Variants in TBC1D31 observed in about 807,000 individuals in gnomAD.
TBC1D31 encodes TBC1 domain family member 31, also known as WD repeat domain 67.
Under a neutral mutation model 132.9 loss-of-function variants are expected in TBC1D31, and 99 were observed. That is an observed-to-expected ratio of 0.74 (90% CI 0.63 to 0.88). The LOEUF is 0.88. Among genes scored for constraint, TBC1D31 ranks in the 40% least tolerant of loss-of-function variants. The pLI, the probability that TBC1D31 is intolerant of heterozygous loss-of-function variation, is 0.00. For missense variants in TBC1D31, 1,134 were observed against 1,256.6 expected, an observed-to-expected ratio of 0.90 and a Z score of 1.48; for synonymous variants, 385 against 419.4, an observed-to-expected ratio of 0.92 and a Z score of 1.00.
intron 14 of TBC1D31, 96 bp downstream of exon 14, chr8:123,128,609 G>A (rs1400015249): frequency 1.0e-6 from 1 of 979,226 alleles, no homozygotes; most frequent in African/African-American, 1.6e-5. Flanking sequence ...GAGCGCGGTG[G>A]CTCACGCCTA....
At chr8:123,163,930 A>G in the TBC1D31 span, among the ~76,000 whole-genome samples, 2 of 152,240 alleles carry the variant, frequency 1.3e-5, no homozygotes, top group Non-Finnish European at 2.9e-5. Context: ...CACCCCAGAC[A>G]GAAACTCTGT....
intron 10 of TBC1D31, among the ~76,000 whole-genome samples, chr8:123,110,181 A>G (rs755309249): frequency 4.0e-4 from 61 of 152,216 alleles, no homozygotes; most frequent in Non-Finnish European, 7.3e-4. Context: ...CCACTTAATG[A>G]TTGTGATGTA....
intron 17 of TBC1D31, among the ~76,000 whole-genome samples, chr8:123,137,288 T>C (rs1004546594): frequency 2.0e-5 from 3 of 152,170 alleles, no homozygotes; most frequent in Non-Finnish European, 4.4e-5. Context: ...CTTGCAAAGA[T>C]TGCTATAAAG....
At chr8:123,130,391 T>C (rs1820503067) in intron 16 of TBC1D31, 58 bp downstream of exon 16, 2 of 1,451,208 alleles carry the variant, frequency 1.4e-6, no homozygotes, top group Non-Finnish European at 1.9e-6. Context: ...CACTTAAATG[T>C]AATGAACACC....
the TBC1D31 span, among the ~76,000 whole-genome samples, chr8:123,160,220 A>G: frequency 2.6e-5 from 4 of 152,156 alleles, no homozygotes; most frequent in Non-Finnish European, 4.4e-5. Context: ...TCTGAGGAGT[A>G]CTAGTCGGGT....
chr8:123,093,804 A>G (rs1333526484), intron 5 of TBC1D31, 62 bp downstream of exon 5: 2 of 1,189,364 alleles, frequency 1.7e-6, no homozygotes, highest in Non-Finnish European at 2.3e-6. Context: ...AAAAAATTAC[A>G]AATTTTCATT....
chr8:123,119,989 A>T, intron 10 of TBC1D31, 66 bp from the exon 11 acceptor site: 1 of 1,367,934 alleles, frequency 7.3e-7, no homozygotes, highest in South Asian at 1.6e-5. Flanking sequence ...TTTTGTATCA[A>T]ATTTTTATCA....
intron 16 of TBC1D31, among the ~76,000 whole-genome samples, chr8:123,130,683 G>A (rs968063947): frequency 2.7e-5 from 4 of 149,180 alleles, no homozygotes; most frequent in Admixed American, 6.7e-5. Flanking sequence ...GTGCAGTGGC[G>A]TGACCTCAGC....
In TBC1D31 at chr8:123,139,677, G is replaced by A. The variant is rs184654247; in HGVS notation, c.2500-1084G>A. Among the ~76,000 whole-genome samples, 23 of 151,116 alleles carry A rather than the reference G, an allele frequency of 1.5e-4. No homozygotes were observed. The East Asian group carries it at 3.3e-3, about 22-fold the overall frequency. On this transcript the variant is annotated intron_variant, in intron 17 of 21. Transcript: ENST00000287380. ...TTTCTGTGGTCTGAGAACACAGCCC[G>A]TAGCATATACACAGCCTTACACATG... is the stretch of plus-strand genomic sequence containing the variant.
At chr8:123,090,215 A>G (rs11787110) in intron 4 of TBC1D31, among the ~76,000 whole-genome samples, 5,606 of 152,334 alleles carry the variant, frequency 0.037, 178 homozygotes, top group Admixed American at 0.091. Flanking sequence ...TTTTACAAGA[A>G]GGGAAACCGA....
chr8:123,089,406 T>C (rs188625501), intron 4 of TBC1D31, among the ~76,000 whole-genome samples: 30 of 152,340 alleles, frequency 2.0e-4, no homozygotes, highest in African/African-American at 7.0e-4. Flanking sequence ...TAGGATTATC[T>C]CAGTGCAGTT....
Position 123,126,693 on chromosome 8 carries a change from G to T in TBC1D31, c.1884+6G>T. ...ATCTTAAAGATGACTTTGAGGTAACGGTCCTTGTTCTTAAGAGAAGGTTCT... is the reference window on the plus strand; with the variant it reads ...ATCTTAAAGATGACTTTGAGGTAACTGTCCTTGTTCTTAAGAGAAGGTTCT... On this transcript the variant is annotated splice_donor_region_variant and intron_variant, in intron 13 of 21. Transcript: ENST00000287380. 3.7e-6 allele frequency: 6 copies of T among 1,600,616 alleles called. No homozygotes were observed. The highest frequency in any genetic ancestry group is 3.4e-5 in the South Asian group (3 of 87,892).
intron 15 of TBC1D31, 73 bp from the exon 16 acceptor site, chr8:123,130,125 G>C (rs1380928306): frequency 4.8e-6 from 7 of 1,454,868 alleles, no homozygotes; most frequent in Non-Finnish European, 6.6e-6. Context: ...CAGCATGGCA[G>C]ACCTGTTATG....
At chr8:123,134,475 C>T (rs781240860) in intron 17 of TBC1D31, among the ~76,000 whole-genome samples, 7 of 151,748 alleles carry the variant, frequency 4.6e-5, no homozygotes, top group South Asian at 2.1e-4. Context: ...TGCAGTGAAC[C>T]ATAATCACAT....
intron 12 of TBC1D31, 73 bp from the exon 13 acceptor site, chr8:123,126,435 A>G: frequency 7.3e-7 from 1 of 1,375,314 alleles, no homozygotes; most frequent in South Asian, 1.4e-5. Flanking sequence ...AATCGAATGT[A>G]AGGGAATATT....
At position 123,126,562 on chromosome 8, in the gene TBC1D31, G is replaced by A. The variant is rs764356094; in HGVS notation, c.1759G>A (p.Glu587Lys). The A allele has an allele frequency of 1.2e-6, 2 of 1,613,958 alleles. No individual in the cohort carries two copies. Among genetic ancestry groups the A allele is most frequent in the East Asian group, 2.2e-5 (1 of 44,880 alleles). Residue 587 changes from glutamate to lysine, a missense_variant, in exon 13 of 22, where the codon GAG becomes AAG. Coordinates refer to ENST00000287380, the MANE Select transcript of TBC1D31 (RefSeq NM_145647.4). ...GTTCTCAGAAGTGCTGACAAGAGAG[G>A]AGTGGCTGAAATTGTTCGATAATAT... ...TVFSEVLTRE[E>K]WLKLFDNIFS...
chr8:123,152,011 T>G lies in TBC1D31; in HGVS notation c.*72T>G. The G allele has an allele frequency of 7.7e-7, 1 of 1,302,634 alleles. No individual in the cohort carries two copies. Among genetic ancestry groups the G allele is most frequent in the Non-Finnish European group, 1.0e-6 (1 of 1,002,978 alleles). The allele number at this position is 1,302,634 out of a possible 1,614,324, so 80.7% of individuals were successfully genotyped here. A position where few individuals can be genotyped will look rare whatever the true frequency, so the allele number is the denominator to read the frequency against. On this transcript the variant is annotated 3_prime_UTR_variant, in exon 22 of 22. Transcript: ENST00000287380. ...TCAGTGACATTGATTTTTAGATTAT[T>G]TATTTAAAATTCCTATAAAGATCAG...
chr8:123,104,260 T>C (rs1358688231), intron 7 of TBC1D31: 4 of 152,178 alleles, frequency 2.6e-5, no homozygotes, highest in Non-Finnish European at 5.9e-5. Flanking sequence ...TTTTTTTCTG[T>C]GTTTTGAAGC....
At position 123,128,432 on chromosome 8, in the gene TBC1D31, A is replaced by G; in HGVS notation, c.2036A>G (p.Gln679Arg). 1 of 1,614,006 alleles carries G rather than the reference A, an allele frequency of 6.2e-7. No individual in the cohort carries two copies. Among genetic ancestry groups the G allele is most frequent in the Non-Finnish European group, 8.5e-7 (1 of 1,179,868 alleles). The change falls in exon 14 of 22, where the codon CAA (glutamine) becomes CGA (arginine). Residue 679 changes from glutamine to arginine, a missense_variant. Transcript: ENST00000287380. ...LTKGQYPVFN[Q>R]YPKFIVDYQT... ...AAAGGGCAGTATCCAGTATTTAATCAATATCCAAAGTTTATTGTGGACTAT... is the reference window on the plus strand; with the variant it reads ...AAAGGGCAGTATCCAGTATTTAATCGATATCCAAAGTTTATTGTGGACTAT...
Sources: allele counts gnomAD v4.1 joint callset (sites outside exome capture counted in the v4.1 genomes callset), GRCh38; gene constraint gnomAD v4.1.1; transcripts MANE v1.5; gene names NCBI Gene and HGNC (gene_info 2026-07-23, HGNC 2026-07-21).